ANKRD11: variants seen among roughly 807,000 people sequenced by gnomAD.
ANKRD11 encodes the protein ankyrin repeat domain 11.
In ANKRD11, 17 loss-of-function variants were observed where a neutral mutation model predicts 195.7. The observed-to-expected ratio is 0.09, with a 90% CI of 0.06 to 0.13. ANKRD11 has a LOEUF of 0.13. ANKRD11 is among the 10% of genes least tolerant of loss of function. ANKRD11 has a pLI of 1.00. For synonymous variants in ANKRD11, 1,953 were observed against 1,528.1 expected, an observed-to-expected ratio of 1.28 and a Z score of -6.49; for missense variants, 3,735 against 3,566.1, an observed-to-expected ratio of 1.05 and a Z score of -1.21.
chr16:89,306,920 C>A (rs1438697880), intron 3 of ANKRD11, among the ~76,000 whole-genome samples: 1 of 152,232 alleles, frequency 6.6e-6, no homozygotes, highest in African/African-American at 2.4e-5. Flanking sequence ...CAGACACGTG[C>A]GCTACCTCCC....
chr16:89,447,858 G>A (rs2043872549), intron 1 of ANKRD11, among the ~76,000 whole-genome samples: 1 of 145,956 alleles, frequency 6.9e-6, no homozygotes, highest in African/African-American at 2.6e-5. Flanking sequence ...AAGCTGGAGT[G>A]CACTGGCACA....
chr16:89,440,333 C>T (rs935779730), intron 1 of ANKRD11, among the ~76,000 whole-genome samples: 2 of 152,136 alleles, frequency 1.3e-5, no homozygotes, highest in African/African-American at 2.4e-5. Context: ...CTCGGTCCAG[C>T]GTGGTGGCTC....
chr16:89,441,063 C>T (rs1455674905), intron 1 of ANKRD11, among the ~76,000 whole-genome samples: 1 of 151,962 alleles, frequency 6.6e-6, no homozygotes. Flanking sequence ...CCGTGAAACC[C>T]TGTCTCTACT....
chr16:89,479,765 G>C (rs920841891), intron 1 of ANKRD11, among the ~76,000 whole-genome samples: 10 of 151,592 alleles, frequency 6.6e-5, no homozygotes, highest in African/African-American at 2.4e-4. Flanking sequence ...AACACGGTGA[G>C]ACCCCATCTC....
rs536837005 is a variant in ANKRD11, at chr16:89,295,114, G to C, written c.227-3931C>G. 7.5e-4 allele frequency among the ~76,000 whole-genome samples: 115 copies of C among 152,368 alleles called. 1 individual carries two copies. Among genetic ancestry groups the C allele is most frequent in the African/African-American group, 2.6e-3 (110 of 41,592 alleles). ...AAGTGCGGCTACAGCACCACAGACA[G>C]ATGTGGCCCTGGGTGCCTCTGACCC... On this transcript the variant is annotated intron_variant, in intron 4 of 12. Coordinates refer to ENST00000301030, the MANE Select transcript of ANKRD11 (RefSeq NM_013275.6).
intron 2 of ANKRD11, among the ~76,000 whole-genome samples, chr16:89,379,467 C>T (rs1294802529): frequency 1.3e-5 from 2 of 152,230 alleles, no homozygotes; most frequent in African/African-American, 4.8e-5. Flanking sequence ...GCTCATGTAA[C>T]TCTGCTTTCC....
rs140042028 is a variant in ANKRD11 at position 89,370,926 on chromosome 16, C to T, written c.-60+47358G>A. Among the ~76,000 whole-genome samples the T allele has an allele frequency of 1.4e-3, 208 of 152,262 alleles. 1 individual carries two copies. The highest frequency in any genetic ancestry group is 4.8e-3 in the African/African-American group (199 of 41,524). On this transcript the variant is annotated intron_variant, in intron 2 of 12. Coordinates refer to ENST00000301030, the MANE Select transcript of ANKRD11 (RefSeq NM_013275.6). ...CCCAAGAACAGAACCCTGCAGGCGC[C>T]ACGAGACGCCCAAGAACCAAGCCCT...
chr16:89,464,451 AC>A (rs1393237260), intron 1 of ANKRD11, among the ~76,000 whole-genome samples: 1 of 151,184 alleles, frequency 6.6e-6, no homozygotes, highest in Non-Finnish European at 1.5e-5. Context: ...TACTAAAAAT[AC>A]AAAAAATTAG....
rs2057281264 is a variant in ANKRD11 at position 89,477,015 on chromosome 16, A to ACAC, written c.-145+13227_-145+13229dup. On this transcript the variant is annotated intron_variant, in intron 1 of 12. Transcript: ENST00000301030. The stretch of plus-strand genomic sequence containing the variant: ...TGAAAGGGGAAGTGAGTGGAAGACC[A>ACAC]CACCGTGAGCATCTATTAATAAAAG... Among the ~76,000 whole-genome samples the ACAC allele has an allele frequency of 2.0e-5, 3 of 152,230 alleles. No individual in the cohort carries two copies. The South Asian group carries it at 6.2e-4, about 31-fold the overall frequency.
At chr16:89,421,021 G>C (rs574534247) in intron 1 of ANKRD11, among the ~76,000 whole-genome samples, 116 of 152,382 alleles carry the variant, frequency 7.6e-4, no homozygotes, top group African/African-American at 2.7e-3. Context: ...TGGAGGCTGA[G>C]TGCAGACAGA....
At chr16:89,319,405 C>T (rs2037165443) in intron 2 of ANKRD11, among the ~76,000 whole-genome samples, 1 of 152,256 alleles carries the variant, frequency 6.6e-6, no homozygotes, top group Non-Finnish European at 1.5e-5. Context: ...AGGCAAAATA[C>T]TTTTCACGGC....
chr16:89,425,454 C>G (rs1449825439), intron 1 of ANKRD11, among the ~76,000 whole-genome samples: 2 of 152,210 alleles, frequency 1.3e-5, no homozygotes, highest in Non-Finnish European at 2.9e-5. Context: ...CCAGCCTCAT[C>G]TCATTTTAGT....
At chr16:89,431,857 C>T (rs1406471575) in intron 1 of ANKRD11, among the ~76,000 whole-genome samples, 2 of 152,124 alleles carry the variant, frequency 1.3e-5, no homozygotes, top group African/African-American at 2.4e-5. Flanking sequence ...ACAGAGCCCT[C>T]ACCCCACTCC....
At chr16:89,278,873 T>C in intron 9 of ANKRD11, 199 bp downstream of exon 9, 1 of 891,768 alleles carries the variant, frequency 1.1e-6, no homozygotes. Flanking sequence ...AGGAAGGACC[T>C]CGGGTCTGCA....
rs139601650 is a variant in ANKRD11 at position 89,307,768 on chromosome 16, G to A, written c.88-2424C>T. 1.2e-3 allele frequency among the ~76,000 whole-genome samples: 182 copies of A among 152,350 alleles called. 1 individual carries two copies. Among genetic ancestry groups the A allele is most frequent in the African/African-American group, 4.1e-3 (169 of 41,588 alleles). On this transcript the variant is annotated intron_variant, in intron 3 of 12. Transcript: ENST00000301030. ...GGCATCTTCCTTGGGGTCGGGGAAC[G>A]CCAGGAAAGAATGGCACACACCAGC...
At chr16:89,402,102 G>C (rs1013092873) in intron 2 of ANKRD11, among the ~76,000 whole-genome samples, 1 of 152,150 alleles carries the variant, frequency 6.6e-6, no homozygotes, top group Non-Finnish European at 1.5e-5. Flanking sequence ...TCTGTCCATG[G>C]ACCTCTTTAA....
At chr16:89,335,244 AG>A in intron 2 of ANKRD11, among the ~76,000 whole-genome samples, 1 of 152,234 alleles carries the variant, frequency 6.6e-6, no homozygotes, top group East Asian at 1.9e-4. Context: ...CGCGGGTGAC[AG>A]CCTCACACCA....
intron 3 of ANKRD11, among the ~76,000 whole-genome samples, chr16:89,305,713 G>A (rs1363752290): frequency 5.0e-5 from 4 of 80,722 alleles, no homozygotes; most frequent in African/African-American, 1.0e-4. Context: ...GCAGACACGC[G>A]CCACCTCCCA....
chr16:89,428,041 C>T (rs1027034803), intron 1 of ANKRD11, among the ~76,000 whole-genome samples: 1 of 149,978 alleles, frequency 6.7e-6, no homozygotes, highest in Non-Finnish European at 1.5e-5. Flanking sequence ...AACGCCATCT[C>T]TAATAAAAAT....
Sources: gnomAD v4.1 joint callset for allele counts (sites outside exome capture counted in the v4.1 genomes callset) on GRCh38, gnomAD v4.1.1 for gene constraint, MANE v1.5 for transcripts, NCBI Gene and HGNC (gene_info 2026-07-23, HGNC 2026-07-21) for gene names.